The following DPYD variants were observed in gnomAD, a reference collection of about 807,000 sequenced individuals.
DPYD encodes dihydropyrimidine dehydrogenase [NADP(+)].
In DPYD, 109 loss-of-function variants were observed where a neutral mutation model predicts 116.2. That is an observed-to-expected ratio of 0.94 (90% confidence interval 0.80 to 1.10). The LOEUF is 1.10. DPYD is among the 50% of genes least tolerant of loss of function. The pLI is 0.00. For missense variants in DPYD, 1,302 were observed against 1,254.5 expected (o/e 1.04, Z -0.57); for synonymous variants, 440 against 432.0 (o/e 1.02, Z -0.23).
chr1:97,108,543 G>A (rs1651348177), intron 20 of DPYD, among the ~76,000 whole-genome samples: 1 of 152,092 alleles, frequency 6.6e-6, no homozygotes, highest in Non-Finnish European at 1.5e-5. Context: ...CATGGATCAT[G>A]TTTATCAAAC....
chr1:97,496,020 C>T (rs1679246726), intron 13 of DPYD, among the ~76,000 whole-genome samples: 1 of 151,998 alleles, frequency 6.6e-6, no homozygotes, highest in African/African-American at 2.4e-5. Context: ...TTGAAAGGTC[C>T]TGCTTCAGTA....
chr1:97,673,731 G>C lies in DPYD; in HGVS notation c.850+5364C>G, dbSNP rs186656880. Among the ~76,000 whole-genome samples, 924 of 152,194 alleles carry C rather than the reference G, an allele frequency of 6.1e-3. 6 individuals are homozygous for C. The highest frequency in any genetic ancestry group is 9.1e-3 in the Non-Finnish European group (620 of 67,986). ...CAGGAACACAGAGTTTGTGTGGGGTGGGGGGTGAGGAAGATGATTCATTAA... is the reference window on the plus strand; with the variant it reads ...CAGGAACACAGAGTTTGTGTGGGGTCGGGGGTGAGGAAGATGATTCATTAA... On this transcript the variant is annotated intron_variant, in intron 8 of 22. Coordinates refer to ENST00000370192, the MANE Select transcript of DPYD (RefSeq NM_000110.4).
chr1:97,113,640 A>G (rs1196519584), intron 20 of DPYD, among the ~76,000 whole-genome samples: 1 of 152,062 alleles, frequency 6.6e-6, no homozygotes, highest in Non-Finnish European at 1.5e-5. Flanking sequence ...GTATATGTTG[A>G]TATATTTGAA....
intron 2 of DPYD, among the ~76,000 whole-genome samples, chr1:97,866,233 G>C (rs1671370687): frequency 6.6e-6 from 1 of 151,946 alleles, no homozygotes; most frequent in Non-Finnish European, 1.5e-5. Flanking sequence ...GTTCAGTTGA[G>C]AGATGCCACA....
intron 16 of DPYD, among the ~76,000 whole-genome samples, chr1:97,325,098 G>A (rs1328889430): frequency 1.3e-5 from 2 of 151,998 alleles, no homozygotes; most frequent in African/African-American, 4.8e-5. Context: ...AATCATATTA[G>A]TACTAAAACA....
intron 12 of DPYD, among the ~76,000 whole-genome samples, chr1:97,542,118 C>T (rs1650492978): frequency 6.6e-6 from 1 of 152,188 alleles, no homozygotes; most frequent in East Asian, 1.9e-4. Context: ...ATTACCTACT[C>T]CAAATTGAAA....
intron 3 of DPYD, among the ~76,000 whole-genome samples, chr1:97,753,176 T>C (rs889439381): frequency 1.3e-5 from 2 of 152,216 alleles, no homozygotes; most frequent in Admixed American, 1.3e-4. Flanking sequence ...TTAACTCCTA[T>C]GTTTATAAAA....
chr1:97,139,579 C>T (rs969373827), intron 20 of DPYD, among the ~76,000 whole-genome samples: 1 of 152,120 alleles, frequency 6.6e-6, no homozygotes, highest in Non-Finnish European at 1.5e-5. Flanking sequence ...ATCATTACAT[C>T]CTTGGTTTTA....
At chr1:97,642,367 C>A (rs540234388) in intron 8 of DPYD, among the ~76,000 whole-genome samples, 2 of 152,084 alleles carry the variant, frequency 1.3e-5, no homozygotes, top group African/African-American at 4.8e-5. Flanking sequence ...GTAACCAAAA[C>A]AGCATGGTAC....
chr1:97,454,546 A>G (rs1676584586), intron 13 of DPYD, among the ~76,000 whole-genome samples: 1 of 151,948 alleles, frequency 6.6e-6, no homozygotes, highest in Non-Finnish European at 1.5e-5. Flanking sequence ...CGATATTCAG[A>G]TATTTTAAAA....
intron 20 of DPYD, among the ~76,000 whole-genome samples, chr1:97,171,898 C>A (rs745893764): frequency 5.9e-5 from 9 of 152,062 alleles, no homozygotes; most frequent in Non-Finnish European, 1.0e-4. Flanking sequence ...TTATAGGCAT[C>A]ACCTGCAACT....
intron 20 of DPYD, among the ~76,000 whole-genome samples, chr1:97,119,140 C>G (rs1441686194): frequency 6.6e-6 from 1 of 151,942 alleles, no homozygotes; most frequent in Non-Finnish European, 1.5e-5. Flanking sequence ...TCAAACAGAA[C>G]AATATTTATT....
At chr1:97,291,809 C>A (rs1264549945) in intron 18 of DPYD, among the ~76,000 whole-genome samples, 1 of 151,844 alleles carries the variant, frequency 6.6e-6, no homozygotes, top group Non-Finnish European at 1.5e-5. Flanking sequence ...GCACATTGTG[C>A]ACATGTACCC....
intron 8 of DPYD, among the ~76,000 whole-genome samples, chr1:97,649,733 A>G (rs1658475388): frequency 6.6e-6 from 1 of 152,142 alleles, no homozygotes; most frequent in Non-Finnish European, 1.5e-5. Flanking sequence ...GTTTAATATA[A>G]GAAAGGGAAG....
chr1:97,600,288 T>C (rs529412308), intron 8 of DPYD, among the ~76,000 whole-genome samples: 1 of 152,318 alleles, frequency 6.6e-6, no homozygotes, highest in Admixed American at 6.5e-5. Flanking sequence ...TCTCACATGT[T>C]ATGTTACTCA....
chr1:97,558,534 A>G (rs923925416), intron 11 of DPYD, among the ~76,000 whole-genome samples: 1 of 152,138 alleles, frequency 6.6e-6, no homozygotes, highest in Non-Finnish European at 1.5e-5. Context: ...CTTTTGATCA[A>G]TTTAAATATC....
At chr1:97,565,244 G>T (rs1048991522) in intron 11 of DPYD, among the ~76,000 whole-genome samples, 1 of 152,008 alleles carries the variant, frequency 6.6e-6, no homozygotes, top group East Asian at 1.9e-4. Flanking sequence ...TCAAAATGTG[G>T]TTGCTTATTT....
At chr1:97,664,425 T>C (rs1474119092) in intron 8 of DPYD, among the ~76,000 whole-genome samples, 1 of 151,992 alleles carries the variant, frequency 6.6e-6, no homozygotes, top group Non-Finnish European at 1.5e-5. Flanking sequence ...ATGAGTTTAG[T>C]ACTTTAAACT....
At chr1:97,344,126 TAGA>T (rs1669719348) in intron 16 of DPYD, among the ~76,000 whole-genome samples, 1 of 151,790 alleles carries the variant, frequency 6.6e-6, no homozygotes, top group South Asian at 2.1e-4. Context: ...AAAGGAACCC[TAGA>T]TTAAGTAAAT....
Sources: allele counts gnomAD v4.1 joint callset (sites outside exome capture counted in the v4.1 genomes callset), GRCh38; gene constraint gnomAD v4.1.1; transcripts MANE v1.5; gene names NCBI Gene and HGNC (gene_info 2026-07-23, HGNC 2026-07-21).